Variants in ERBIN observed in about 807,000 individuals in gnomAD.
The protein encoded by ERBIN is erbb2 interacting protein, also known as densin-180-like protein.
Under a neutral mutation model 158.4 loss-of-function variants are expected in ERBIN, and 60 were observed. The observed-to-expected ratio is 0.38, with a 90% CI of 0.31 to 0.47. ERBIN has a LOEUF of 0.47. Among genes scored for constraint, ERBIN ranks in the 20% least tolerant of loss-of-function variants. The pLI, the probability that ERBIN is intolerant of heterozygous loss-of-function variation, is 0.99. For missense variants in ERBIN, 1,610 were observed against 1,648.0 expected (o/e 0.98, Z 0.40); for synonymous variants, 594 against 557.2 (o/e 1.07, Z -0.93).
Position 66,076,069 on chromosome 5 carries a change from T to C in ERBIN, c.3964-247T>C, listed in dbSNP as rs13360627. 3,213 of 450,280 alleles carry C rather than the reference T, an allele frequency of 7.1e-3. 96 individuals are homozygous for C. The highest frequency in any genetic ancestry group is 0.06 in the African/African-American group (2,951 of 49,246). The allele number at this position is 450,280 out of a possible 1,614,324, so 27.9% of individuals were successfully genotyped here. ...AGGGTCAATATTAATTGATTCCTTATCCTCATAAGACAAGCAATAAAATTA... is the reference window on the plus strand; with the variant it reads ...AGGGTCAATATTAATTGATTCCTTACCCTCATAAGACAAGCAATAAAATTA... On this transcript the variant is annotated intron_variant, in intron 23 of 25. Transcript: ENST00000284037.
chr5:66,044,156 A>G lies in ERBIN; in HGVS notation c.1448A>G (p.Tyr483Cys). The change falls in exon 17 of 26, where the codon TAT becomes TGT. Residue 483 changes from tyrosine to cysteine, a missense_variant. Transcript: ENST00000284037. ...APPREGNLKRYPTPYPDELKN... is the reference protein window; with the variant it reads ...APPREGNLKRCPTPYPDELKN... The stretch of plus-strand genomic sequence containing the variant: ...CTCTAGGAGGGAAATTTAAAAAGAT[A>G]TCCAACACCATACCCAGATGAGCTT... 1 of 1,566,102 alleles carries G rather than the reference A, an allele frequency of 6.4e-7. No individual in the cohort carries two copies. Among genetic ancestry groups the G allele is most frequent in the Non-Finnish European group, 8.6e-7 (1 of 1,164,264 alleles).
chr5:66,027,065 T>TG (rs1756344504), intron 13 of ERBIN, among the ~76,000 whole-genome samples: 1 of 151,998 alleles, frequency 6.6e-6, no homozygotes, highest in Non-Finnish European at 1.5e-5. Context: ...AACATACTAA[T>TG]GATGATTAAA....
At chr5:65,981,770 T>C (rs1201673905) in intron 1 of ERBIN, among the ~76,000 whole-genome samples, 2 of 152,214 alleles carry the variant, frequency 1.3e-5, no homozygotes, top group African/African-American at 4.8e-5. Flanking sequence ...TGTGGTCTTT[T>C]ATCTCAGGCT....
At chr5:66,060,224 T>C (rs1413088387) in intron 21 of ERBIN, among the ~76,000 whole-genome samples, 1 of 152,224 alleles carries the variant, frequency 6.6e-6, no homozygotes, top group Non-Finnish European at 1.5e-5. Context: ...GAGCCTGTTA[T>C]TGGTCTATTC....
chr5:66,063,252 C>T (rs2151274605), intron 21 of ERBIN, among the ~76,000 whole-genome samples: 1 of 152,316 alleles, frequency 6.6e-6, no homozygotes, highest in Non-Finnish European at 1.5e-5. Flanking sequence ...GGTGCCCCTC[C>T]CCCAGCCTCG....
intron 1 of ERBIN, among the ~76,000 whole-genome samples, chr5:65,975,987 G>A (rs1469831582): frequency 6.6e-6 from 1 of 152,070 alleles, no homozygotes; most frequent in South Asian, 2.1e-4. Context: ...TTCCATTTAG[G>A]GCTCCCTAAG....
In ERBIN at chr5:65,994,785, G is replaced by A. The variant is rs757725690; in HGVS notation, c.228G>A (p.Leu76=). The change falls in exon 4 of 26, where the codon TTG becomes TTA. Residue 76 remains leucine (L), a synonymous_variant. Coordinates refer to ENST00000284037, the MANE Select transcript of ERBIN (RefSeq NM_001253697.2). ...GTCAGTCTTTACACAAACTGAGTTTGCCAGACAATGATTTAACAACGTTAC... is the reference window on the plus strand; with the variant it reads ...GTCAGTCTTTACACAAACTGAGTTTACCAGACAATGATTTAACAACGTTAC... The part of the protein sequence containing the change: ...FNCQSLHKLS[L]PDNDLTTLPA... 5.0e-6 allele frequency: 8 copies of A among 1,608,212 alleles called. No homozygotes were observed. The South Asian group carries it at 8.9e-5, about 18-fold the overall frequency.
chr5:66,073,341 GTTAA>G (rs2151302245), intron 22 of ERBIN, among the ~76,000 whole-genome samples: 1 of 152,306 alleles, frequency 6.6e-6, no homozygotes, highest in Non-Finnish European at 1.5e-5. Flanking sequence ...AGCAGAACCA[GTTAA>G]TTACTCATGG....
In ERBIN at chr5:66,076,398, CTGA is replaced by C. The variant is rs1421901589; in HGVS notation, c.4055_4056+1del. ...GGGGGTAGAGGAAACCCATTCAGAC[CTGA>C]TGATGATGTAAGTTTTCTTTGTATA... On this transcript the variant is annotated inframe_deletion, in exon 24 of 26. Coordinates refer to ENST00000284037, the MANE Select transcript of ERBIN (RefSeq NM_001253697.2). 2 of 1,608,866 alleles carry C rather than the reference CTGA, an allele frequency of 1.2e-6. No individual in the cohort carries two copies. Among genetic ancestry groups the C allele is most frequent in the Non-Finnish European group, 1.7e-6 (2 of 1,177,962 alleles).
In ERBIN at chr5:66,081,253, T is replaced by C. The variant is rs1762371736; in HGVS notation, c.*2723T>C. On this transcript the variant is annotated 3_prime_UTR_variant, in exon 26 of 26. Coordinates refer to ENST00000284037, the MANE Select transcript of ERBIN (RefSeq NM_001253697.2). ...GATACAATCTAAAGATTTATGCTAA[T>C]TAAGGAATTATCACTTCATCTGAAT... 1.3e-5 allele frequency: 2 copies of C among 152,046 alleles called. No individual in the cohort carries two copies. The highest frequency in any genetic ancestry group is 2.9e-5 in the Non-Finnish European group (2 of 67,892). The allele number at this position is 152,046 out of a possible 1,614,324, so 9.4% of individuals were successfully genotyped here. A position where few individuals can be genotyped will look rare whatever the true frequency, so the allele number is the denominator to read the frequency against.
At chr5:65,956,724 G>A (rs891161096) in intron 1 of ERBIN, among the ~76,000 whole-genome samples, 1 of 151,800 alleles carries the variant, frequency 6.6e-6, no homozygotes, top group Admixed American at 6.6e-5. Flanking sequence ...AAAACAAAAA[G>A]TATATAAACC....
At chr5:66,052,802 G>C (rs187786585) in intron 20 of ERBIN, among the ~76,000 whole-genome samples, 5 of 152,270 alleles carry the variant, frequency 3.3e-5, no homozygotes, top group Admixed American at 2.0e-4. Flanking sequence ...ACTTAGAAGA[G>C]TGATTAGACT....
intron 21 of ERBIN, 107 bp downstream of exon 21, chr5:66,055,058 G>A: frequency 7.0e-7 from 1 of 1,427,336 alleles, no homozygotes; most frequent in Non-Finnish European, 9.1e-7. Flanking sequence ...TTATATTCTA[G>A]GTGTTTTTCT....
intron 15 of ERBIN, among the ~76,000 whole-genome samples, chr5:66,042,804 G>C (rs1395324221): frequency 6.6e-6 from 1 of 151,946 alleles, no homozygotes; most frequent in African/African-American, 2.4e-5. Context: ...TATTTTAATT[G>C]GTAGATTCTC....
intron 21 of ERBIN, among the ~76,000 whole-genome samples, chr5:66,064,715 A>T (rs1234133528): frequency 6.6e-6 from 1 of 152,180 alleles, no homozygotes; most frequent in Non-Finnish European, 1.5e-5. Context: ...CAAATGAGAG[A>T]TACTTGAGCT....
chr5:65,955,486 T>G (rs577292206), intron 1 of ERBIN, among the ~76,000 whole-genome samples: 25 of 152,104 alleles, frequency 1.6e-4, no homozygotes, highest in African/African-American at 5.8e-4. Context: ...AAAAATTAGC[T>G]GGGCATGGTG....
At chr5:66,035,315 A>C (rs762897334) in intron 14 of ERBIN, among the ~76,000 whole-genome samples, 8 of 152,106 alleles carry the variant, frequency 5.3e-5, no homozygotes, top group Non-Finnish European at 8.8e-5. Context: ...CAAGCCCAAA[A>C]TTGAGTATAC....
At chr5:66,032,183 A>G (rs1358953150) in intron 14 of ERBIN, among the ~76,000 whole-genome samples, 3 of 152,228 alleles carry the variant, frequency 2.0e-5, no homozygotes, top group African/African-American at 7.2e-5. Context: ...ACTAAGGCAG[A>G]TAGAGATCAG....
chr5:66,037,296 A>G (rs1757490454), intron 14 of ERBIN, among the ~76,000 whole-genome samples: 1 of 152,084 alleles, frequency 6.6e-6, no homozygotes, highest in African/African-American at 2.4e-5. Flanking sequence ...GAGATTGACT[A>G]TGGAAGGTAT....
Sources: allele counts gnomAD v4.1 joint callset (sites outside exome capture counted in the v4.1 genomes callset), GRCh38; gene constraint gnomAD v4.1.1; transcripts MANE v1.5; gene names NCBI Gene and HGNC (gene_info 2026-07-23, HGNC 2026-07-21).